The following ATP9B variants were observed in gnomAD, a reference collection of about 807,000 sequenced individuals.
The protein encoded by ATP9B is ATPase phospholipid transporting 9B, also known as probable phospholipid-transporting ATPase IIB.
Under a neutral mutation model 146.1 loss-of-function variants are expected in ATP9B, and 110 were observed. The ratio of observed to expected loss-of-function variants is 0.75; its 90% CI spans 0.65 to 0.88. ATP9B has a LOEUF of 0.88. Among genes scored for constraint, ATP9B ranks in the 40% least tolerant of loss-of-function variants. The pLI is 0.00. For synonymous variants in ATP9B, 604 were observed against 569.7 expected (o/e 1.06, Z -0.86); for missense variants, 1,499 against 1,496.4 (o/e 1.00, Z -0.03).
rs184233790 is a variant in ATP9B, at chr18:79,359,868, T to C, written c.3012+406T>C. On this transcript the variant is annotated intron_variant, in intron 26 of 29. Transcript: ENST00000426216. ...TGCTGCAGAAATAGCATTCCAAAGC[T>C]GGGGAACCCATGGGCTGCATGTTTC... The C allele has an allele frequency of 3.2e-5, 7 of 221,742 alleles. No homozygotes were observed. The East Asian group carries it at 7.0e-4, about 22-fold the overall frequency. The allele number at this position is 221,742 out of a possible 1,614,324, so 13.7% of individuals were successfully genotyped here. A position where few individuals can be genotyped will look rare whatever the true frequency, so the allele number is the denominator to read the frequency against.
intron 20 of ATP9B, 38 bp downstream of exon 20, chr18:79,342,404 T>C: frequency 7.1e-7 from 1 of 1,409,382 alleles, no homozygotes; most frequent in Admixed American, 1.7e-5. Context: ...TTTTTAAACA[T>C]TTGTCTCACA....
intron 26 of ATP9B, among the ~76,000 whole-genome samples, chr18:79,371,501 G>A (rs304915): frequency 1 from 151,706 of 152,336 alleles, 75,547 homozygotes; most frequent in Middle Eastern, 1. Context: ...GACTCTTGCA[G>A]CCTAGGAAAA....
intron 15 of ATP9B, among the ~76,000 whole-genome samples, chr18:79,319,435 A>C (rs889234122): frequency 6.6e-6 from 1 of 151,452 alleles, no homozygotes; most frequent in African/African-American, 2.4e-5. Flanking sequence ...GTGAGTGAAT[A>C]GGGAGGGAAC....
intron 17 of ATP9B, 150 bp from the exon 18 acceptor site, chr18:79,336,478 C>T: frequency 1.5e-6 from 1 of 665,764 alleles, no homozygotes; most frequent in Non-Finnish European, 2.7e-6. Context: ...AGGTGTCCCT[C>T]TGCTGAGTTG....
intron 10 of ATP9B, among the ~76,000 whole-genome samples, chr18:79,209,262 G>A (rs2095562056): frequency 6.6e-6 from 1 of 152,252 alleles, no homozygotes; most frequent in Non-Finnish European, 1.5e-5. Flanking sequence ...GACACATGGG[G>A]AGAAGACTTA....
intron 13 of ATP9B, among the ~76,000 whole-genome samples, chr18:79,296,777 G>A (rs2146303889): frequency 6.6e-6 from 1 of 152,342 alleles, no homozygotes; most frequent in East Asian, 1.9e-4. Flanking sequence ...TTAGGAGTCA[G>A]GTTCTGGGGA....
intron 11 of ATP9B, among the ~76,000 whole-genome samples, chr18:79,219,331 G>A (rs1471030963): frequency 2.0e-5 from 3 of 152,090 alleles, no homozygotes; most frequent in South Asian, 2.1e-4. Flanking sequence ...AGAGCATGGC[G>A]GTGGCAGTGC....
At chr18:79,076,992 T>C (rs1474333254) in intron 1 of ATP9B, among the ~76,000 whole-genome samples, 1 of 152,250 alleles carries the variant, frequency 6.6e-6, no homozygotes, top group East Asian at 1.9e-4. Flanking sequence ...GCAGTGTCTC[T>C]TCTGAGACTT....
intron 5 of ATP9B, among the ~76,000 whole-genome samples, chr18:79,142,221 A>G (rs1202781310): frequency 6.6e-6 from 1 of 152,230 alleles, no homozygotes; most frequent in Non-Finnish European, 1.5e-5. Context: ...CGTGATCACT[A>G]TATAATGCCT....
At chr18:79,289,400 A>T (rs2096478665) in intron 13 of ATP9B, among the ~76,000 whole-genome samples, 1 of 152,100 alleles carries the variant, frequency 6.6e-6, no homozygotes, top group African/African-American at 2.4e-5. Context: ...CTTCCAGTTG[A>T]TCACATCGGC....
intron 6 of ATP9B, among the ~76,000 whole-genome samples, chr18:79,151,411 A>G (rs1474107363): frequency 6.6e-6 from 1 of 152,140 alleles, no homozygotes; most frequent in African/African-American, 2.4e-5. Flanking sequence ...TTTGGGTGTT[A>G]TATAGTGTGG....
chr18:79,137,536 A>G (rs2094462350), intron 5 of ATP9B, among the ~76,000 whole-genome samples: 1 of 152,188 alleles, frequency 6.6e-6, no homozygotes, highest in Non-Finnish European at 1.5e-5. Flanking sequence ...TCTGTGGGTC[A>G]TGGGCTTCTC....
chr18:79,113,484 G>T, intron 4 of ATP9B, 130 bp downstream of exon 4: 1 of 602,856 alleles, frequency 1.7e-6, no homozygotes. Flanking sequence ...CTGAACTTCT[G>T]TTAAAAGATT....
At chr18:79,084,126 G>A (rs2073572844) in intron 1 of ATP9B, among the ~76,000 whole-genome samples, 1 of 151,240 alleles carries the variant, frequency 6.6e-6, no homozygotes, top group African/African-American at 2.4e-5. Flanking sequence ...CAAATTGCTG[G>A]GATTACAGGC....
chr18:79,346,034 GCA>G (rs1052825851), intron 23 of ATP9B, among the ~76,000 whole-genome samples, 195 bp downstream of exon 23: 50 of 152,232 alleles, frequency 3.3e-4, no homozygotes, highest in Admixed American at 2.9e-3. Flanking sequence ...CGCACAGTCA[GCA>G]CACACTCGGT....
At chr18:79,214,507 G>T (rs1374593963) in intron 11 of ATP9B, among the ~76,000 whole-genome samples, 1 of 152,130 alleles carries the variant, frequency 6.6e-6, no homozygotes, top group African/African-American at 2.4e-5. Context: ...TAGTTTTAAA[G>T]ACCGCTTGAT....
intron 1 of ATP9B, among the ~76,000 whole-genome samples, chr18:79,080,463 TG>T (rs2073128628): frequency 6.6e-6 from 1 of 152,244 alleles, no homozygotes; most frequent in Non-Finnish European, 1.5e-5. Flanking sequence ...TAGGAATGCC[TG>T]TGATTTTTGC....
At chr18:79,231,071 C>T (rs1010003875) in intron 11 of ATP9B, among the ~76,000 whole-genome samples, 3 of 152,196 alleles carry the variant, frequency 2.0e-5, no homozygotes, top group African/African-American at 7.2e-5. Flanking sequence ...ATTGGAAAAT[C>T]TCTTCTAGAC....
chr18:79,250,786 G>A (rs1029362132), intron 11 of ATP9B, among the ~76,000 whole-genome samples: 3 of 152,202 alleles, frequency 2.0e-5, no homozygotes, highest in Admixed American at 6.5e-5. Flanking sequence ...AACTGGTTGA[G>A]TACCGCTCCC....
Sources: gnomAD v4.1 joint callset for allele counts (sites outside exome capture counted in the v4.1 genomes callset) on GRCh38, gnomAD v4.1.1 for gene constraint, MANE v1.5 for transcripts, NCBI Gene and HGNC (gene_info 2026-07-23, HGNC 2026-07-21) for gene names.